Variants in MRPL33 observed in about 807,000 individuals in gnomAD.
MRPL33 encodes mitochondrial ribosomal protein L33.
A neutral mutation model predicts 10.1 loss-of-function variants in MRPL33; 5 were observed. That is an observed-to-expected ratio of 0.49 (90% CI 0.26 to 1.04). The LOEUF (loss-of-function observed/expected upper bound fraction) is 1.04. MRPL33 is among the 50% of genes least tolerant of loss of function. The pLI is 0.14. For synonymous variants in MRPL33, 24 were observed against 27.7 expected (o/e 0.87, Z 0.42); for missense variants, 79 against 78.1 (o/e 1.01, Z -0.04).
intron 1 of MRPL33, chr2:27,772,119 CCCA>C: frequency 2.6e-6 from 1 of 390,536 alleles, no homozygotes; most frequent in Non-Finnish European, 4.6e-6. Context: ...GAATTTGCAG[CCCA>C]CCTATTTCGA....
At chr2:27,774,627 T>A in intron 3 of MRPL33, 97 bp downstream of exon 3, 1 of 860,186 alleles carries the variant, frequency 1.2e-6, no homozygotes, top group Non-Finnish European at 2.0e-6. Context: ...CCTCTGACAC[T>A]AGCATTCATT....
At position 27,779,690 on chromosome 2, in the gene MRPL33, C is replaced by A; in HGVS notation, c.*208C>A. On this transcript the variant is annotated 3_prime_UTR_variant, in exon 4 of 4. Coordinates refer to ENST00000296102, the MANE Select transcript of MRPL33 (RefSeq NM_004891.4). ...ATATCATTGCATCACATTTATTTAT[C>A]TTTCTGGGTATTTTTATAGCCCTTA... 1.1e-6 allele frequency: 1 copy of A among 931,242 alleles called. No homozygotes were observed. The highest frequency in any genetic ancestry group is 1.5e-6 in the Non-Finnish European group (1 of 658,028). 57.7% of individuals were successfully genotyped at this position (931,242 alleles called of 1,614,324 possible).
At chr2:27,779,192 G>GA (rs371771498) in intron 3 of MRPL33, among the ~76,000 whole-genome samples, 1 of 152,148 alleles carries the variant, frequency 6.6e-6, no homozygotes, top group African/African-American at 2.4e-5. Context: ...TTCATTGGTT[G>GA]AATATGACTT....
chr2:27,774,976 G>T (rs72853228), intron 3 of MRPL33, among the ~76,000 whole-genome samples: 3 of 152,116 alleles, frequency 2.0e-5, no homozygotes, highest in Non-Finnish European at 4.4e-5. Flanking sequence ...AGAAGGGGAC[G>T]GTATGGTGTC....
At chr2:27,772,599 T>A (rs915070322) in intron 1 of MRPL33, 75 bp from the exon 2 acceptor site, 2 of 1,214,434 alleles carry the variant, frequency 1.6e-6, no homozygotes, top group South Asian at 1.4e-5. Context: ...CTGATATTTA[T>A]ATGAACTTTG....
At chr2:27,774,681 C>A in intron 3 of MRPL33, 151 bp downstream of exon 3, 1 of 640,952 alleles carries the variant, frequency 1.6e-6, no homozygotes, top group Non-Finnish European at 2.8e-6. Context: ...TATTTAACAT[C>A]CCAGGTGCTG....
intron 3 of MRPL33, among the ~76,000 whole-genome samples, chr2:27,775,514 GCTAA>G (rs1174493743): frequency 1.3e-5 from 2 of 151,842 alleles, no homozygotes; most frequent in East Asian, 1.9e-4. Context: ...ACCACACCCG[GCTAA>G]CTTTTATATT....
intron 3 of MRPL33, among the ~76,000 whole-genome samples, chr2:27,775,923 G>A (rs1677141076): frequency 1.3e-5 from 2 of 152,164 alleles, no homozygotes; most frequent in Admixed American, 1.3e-4. Flanking sequence ...GATTGATAAG[G>A]TTTAGAATTG....
intron 3 of MRPL33, among the ~76,000 whole-genome samples, chr2:27,774,981 G>A (rs1677122051): frequency 6.6e-6 from 1 of 152,188 alleles, no homozygotes; most frequent in African/African-American, 2.4e-5. Flanking sequence ...GGGACGGTAT[G>A]GTGTCCTGGC....
At position 27,771,771 on chromosome 2, in the gene MRPL33, G is replaced by C; in HGVS notation, c.-7G>C. On this transcript the variant is annotated 5_prime_UTR_variant, in exon 1 of 4. Transcript: ENST00000296102. Reference sequence around the variant, plus strand: ...CCGGTGACGGAGACTGCCCAGGTGTGGTCACCATGTTCCTCTCCGCGGTCT... The same window carrying C: ...CCGGTGACGGAGACTGCCCAGGTGTCGTCACCATGTTCCTCTCCGCGGTCT... The C allele has an allele frequency of 6.2e-7, 1 of 1,614,144 alleles. No homozygotes were observed. The highest frequency in any genetic ancestry group is 8.5e-7 in the Non-Finnish European group (1 of 1,179,982).
chr2:27,772,838 TTTTC>T (rs1440531979), intron 2 of MRPL33, 146 bp downstream of exon 2: 2 of 637,912 alleles, frequency 3.1e-6, no homozygotes, highest in Non-Finnish European at 5.3e-6. Flanking sequence ...GTTGATTATT[TTTTC>T]TTTATGAACT....
At chr2:27,773,884 A>ATTT (rs1476930013) in intron 2 of MRPL33, among the ~76,000 whole-genome samples, 1 of 152,228 alleles carries the variant, frequency 6.6e-6, no homozygotes, top group Non-Finnish European at 1.5e-5. Flanking sequence ...AGGTATTAAA[A>ATTT]GATCTGGTGA....
At chr2:27,772,165 G>T (rs999362558) in intron 1 of MRPL33, 41 of 309,348 alleles carry the variant, frequency 1.3e-4, no homozygotes, top group Non-Finnish European at 2.2e-4. Flanking sequence ...TCCCGAGAGG[G>T]GCAATGAATT....
intron 1 of MRPL33, 72 bp from the exon 2 acceptor site, chr2:27,772,602 G>T: frequency 8.1e-7 from 1 of 1,239,958 alleles, no homozygotes; most frequent in South Asian, 1.4e-5. Context: ...ATATTTATAT[G>T]AACTTTGCAT....
chr2:27,779,711 C>T lies in MRPL33; in HGVS notation c.*229C>T. 8 of 725,034 alleles carry T rather than the reference C, an allele frequency of 1.1e-5. No homozygotes were observed. Among genetic ancestry groups the T allele is most frequent in the South Asian group, 3.0e-5 (1 of 33,892 alleles). 44.9% of individuals were successfully genotyped at this position (725,034 alleles called of 1,614,324 possible). On this transcript the variant is annotated 3_prime_UTR_variant, in exon 4 of 4. Transcript: ENST00000296102. ...TTATCTTTCTGGGTATTTTTATAGCCCTTAATAAAAAATATTAAAATAGCC... is the reference window on the plus strand; with the variant it reads ...TTATCTTTCTGGGTATTTTTATAGCTCTTAATAAAAAATATTAAAATAGCC...
intron 3 of MRPL33, among the ~76,000 whole-genome samples, chr2:27,779,094 C>T (rs1392309234): frequency 1.3e-5 from 2 of 152,216 alleles, no homozygotes; most frequent in African/African-American, 4.8e-5. Context: ...TCTGTCCTTG[C>T]TTACCTCCTA....
chr2:27,777,325 C>T (rs1215907383), intron 3 of MRPL33, among the ~76,000 whole-genome samples: 1 of 151,716 alleles, frequency 6.6e-6, no homozygotes, highest in African/African-American at 2.4e-5. Flanking sequence ...CCATTCCTGG[C>T]CAAGTCCCTG....
chr2:27,776,842 G>A (rs752221479), intron 3 of MRPL33, among the ~76,000 whole-genome samples: 73 of 152,344 alleles, frequency 4.8e-4, no homozygotes, highest in Non-Finnish European at 5.7e-4. Context: ...ATTGTGGGTA[G>A]CAGTGTGTCA....
rs139592924 is a variant in MRPL33, at chr2:27,775,724, G to C, written c.148+1194G>C. Among the ~76,000 whole-genome samples the C allele has an allele frequency of 2.6e-5, 4 of 152,258 alleles. No homozygotes were observed. In the East Asian group the frequency reaches 7.7e-4, roughly 29 times the overall value. On this transcript the variant is annotated intron_variant, in intron 3 of 3. Coordinates refer to ENST00000296102, the MANE Select transcript of MRPL33 (RefSeq NM_004891.4). The stretch of plus-strand genomic sequence containing the variant: ...TTTAAAGGCTCCAAGAAGCACAGTT[G>C]TCAGCTTAAAGTTTCTTGTGTTCCA...
Sources: allele counts gnomAD v4.1 joint callset (sites outside exome capture counted in the v4.1 genomes callset), GRCh38; gene constraint gnomAD v4.1.1; transcripts MANE v1.5; gene names NCBI Gene and HGNC (gene_info 2026-07-23, HGNC 2026-07-21).